EPB41L2: variants seen among roughly 807,000 people sequenced by gnomAD.
The protein encoded by EPB41L2 is band 4.1-like protein 2.
Under a neutral mutation model 113.0 loss-of-function variants are expected in EPB41L2, and 43 were observed. The ratio of observed to expected loss-of-function variants is 0.38; its 90% CI spans 0.30 to 0.49. The LOEUF is 0.49. EPB41L2 is among the 20% of genes least tolerant of loss of function. The pLI, the probability that EPB41L2 is intolerant of heterozygous loss-of-function variation, is 0.95. For synonymous variants in EPB41L2, 442 were observed against 436.7 expected (o/e 1.01, Z -0.15); for missense variants, 1,147 against 1,223.4 (o/e 0.94, Z 0.93).
chr6:130,861,077 A>AT (rs1781864469), intron 18 of EPB41L2, among the ~76,000 whole-genome samples: 1 of 151,510 alleles, frequency 6.6e-6, no homozygotes, highest in African/African-American at 2.4e-5. Context: ...TTTATTTTTA[A>AT]TTTTTTTAAT....
intron 1 of EPB41L2, among the ~76,000 whole-genome samples, chr6:130,974,673 CA>C (rs1220201308): frequency 2.0e-5 from 3 of 150,152 alleles, no homozygotes; most frequent in Non-Finnish European, 4.4e-5. Context: ...CCCTCAAAGC[CA>C]ATAGACTTTT....
intron 14 of EPB41L2, among the ~76,000 whole-genome samples, chr6:130,875,960 G>C (rs546490923): frequency 6.6e-6 from 1 of 151,022 alleles, no homozygotes; most frequent in African/African-American, 2.4e-5. Context: ...ACTCCAGCCC[G>C]GGCGAATGTG....
intron 1 of EPB41L2, among the ~76,000 whole-genome samples, chr6:131,009,773 T>C (rs79132972): frequency 0.047 from 7,021 of 149,372 alleles, 259 homozygotes; most frequent in African/African-American, 0.11. Flanking sequence ...TACAGGAAAA[T>C]TTACTTTCAG....
intron 1 of EPB41L2, among the ~76,000 whole-genome samples, chr6:131,012,113 G>A (rs1024117178): frequency 1.7e-4 from 26 of 152,154 alleles, no homozygotes; most frequent in African/African-American, 6.3e-4. Flanking sequence ...GCTGAGGCAT[G>A]AGAATCACTT....
intron 1 of EPB41L2, among the ~76,000 whole-genome samples, chr6:131,017,409 A>G (rs959409886): frequency 1.4e-4 from 22 of 152,198 alleles, no homozygotes; most frequent in African/African-American, 5.3e-4. Context: ...TCAATGGATG[A>G]TAACAGTACT....
rs1795744238 is a variant in EPB41L2 at position 130,899,650 on chromosome 6, T to C, written c.1149-72A>G. The C allele has an allele frequency of 1.4e-5, 20 of 1,417,460 alleles. No individual in the cohort carries two copies. The South Asian group carries it at 2.1e-4, about 15-fold the overall frequency. 87.8% of individuals were successfully genotyped at this position (1,417,460 alleles called of 1,614,324 possible). A position where few individuals can be genotyped will look rare whatever the true frequency, so the allele number is the denominator to read the frequency against. Reference sequence around the variant, plus strand: ...AAATGTAGTCAGAATGGGAGGAGTGTCTGTGCTCAGAGGGTTTGGAGGAGA... The same window carrying C: ...AAATGTAGTCAGAATGGGAGGAGTGCCTGTGCTCAGAGGGTTTGGAGGAGA... On this transcript the variant is annotated intron_variant, in intron 7 of 19. Coordinates refer to ENST00000337057, the MANE Select transcript of EPB41L2 (RefSeq NM_001431.4).
intron 1 of EPB41L2, among the ~76,000 whole-genome samples, chr6:131,023,595 G>C (rs964639484): frequency 6.6e-6 from 1 of 152,052 alleles, no homozygotes; most frequent in African/African-American, 2.4e-5. Flanking sequence ...TGAGGCAGGA[G>C]AATCGCTTGA....
intron 1 of EPB41L2, among the ~76,000 whole-genome samples, chr6:130,966,289 C>T (rs752594012): frequency 1.3e-5 from 2 of 152,182 alleles, no homozygotes; most frequent in Non-Finnish European, 2.9e-5. Context: ...CAACAAAATA[C>T]TATGCAACTG....
chr6:130,937,833 A>AAAAAAAAAAAAAAAAAAAG (rs552248781), intron 3 of EPB41L2, among the ~76,000 whole-genome samples: 1 of 150,380 alleles, frequency 6.6e-6, no homozygotes, highest in African/African-American at 2.5e-5. Flanking sequence ...AAAAAAAAAA[A>AAAAAAAAAAAAAAAAAAAG]AAGATTAACA....
At chr6:131,008,465 C>A (rs956778072) in intron 1 of EPB41L2, among the ~76,000 whole-genome samples, 4 of 152,218 alleles carry the variant, frequency 2.6e-5, no homozygotes, top group Non-Finnish European at 5.9e-5. Flanking sequence ...TAGGGCAGTG[C>A]GGAAGGGAAA....
intron 1 of EPB41L2, among the ~76,000 whole-genome samples, chr6:131,059,307 G>T (rs1195968274): frequency 6.6e-6 from 1 of 151,910 alleles, no homozygotes; most frequent in Admixed American, 6.5e-5. Flanking sequence ...GTAGAGACGG[G>T]GTTTCACCGT....
At chr6:130,992,974 A>G (rs1454304401) in intron 1 of EPB41L2, among the ~76,000 whole-genome samples, 1 of 152,194 alleles carries the variant, frequency 6.6e-6, no homozygotes, top group African/African-American at 2.4e-5. Context: ...TCAGCAGCTC[A>G]GTCTTCTTAC....
chr6:131,049,901 G>C (rs537534828), intron 1 of EPB41L2, among the ~76,000 whole-genome samples: 2 of 152,308 alleles, frequency 1.3e-5, no homozygotes, highest in East Asian at 3.9e-4. Flanking sequence ...ACTGGCAAAA[G>C]TGCACAGTAT....
intron 19 of EPB41L2, among the ~76,000 whole-genome samples, chr6:130,852,936 G>A (rs577621765): frequency 2.0e-5 from 3 of 152,258 alleles, no homozygotes; most frequent in African/African-American, 2.4e-5. Flanking sequence ...TACCCAGCAC[G>A]AAGCTTAAGT....
chr6:131,003,979 C>A (rs1784910862), intron 1 of EPB41L2, among the ~76,000 whole-genome samples: 2 of 151,962 alleles, frequency 1.3e-5, no homozygotes, highest in South Asian at 4.1e-4. Flanking sequence ...CTTAGGAAGC[C>A]CTGTACTTAC....
At chr6:131,048,775 A>T (rs1795978757) in intron 1 of EPB41L2, among the ~76,000 whole-genome samples, 1 of 152,234 alleles carries the variant, frequency 6.6e-6, no homozygotes, top group Admixed American at 6.5e-5. Context: ...TAAAAAGTTT[A>T]AAAAAGAAGA....
Position 130,923,761 on chromosome 6 carries a change from C to T in EPB41L2, c.810+2844G>A, listed in dbSNP as rs917049431. Among the ~76,000 whole-genome samples, 11 of 152,312 alleles carry T rather than the reference C, an allele frequency of 7.2e-5. 1 individual carries two copies. The highest frequency in any genetic ancestry group is 6.5e-4 in the Admixed American group (10 of 15,298). On this transcript the variant is annotated intron_variant, in intron 4 of 19. Coordinates refer to ENST00000337057, the MANE Select transcript of EPB41L2 (RefSeq NM_001431.4). ...TCTGAGGGCAGAGTCACGTCCTCAC[C>T]GTTTACGGTTAGAGCCTCAGCAGCG...
intron 1 of EPB41L2, chr6:130,970,280 TA>T (rs1415471966): frequency 3.3e-5 from 5 of 152,158 alleles, no homozygotes; most frequent in Non-Finnish European, 5.9e-5. Flanking sequence ...TTGAAATACA[TA>T]CGCAGCTTTT....
At chr6:130,991,614 CTTTTT>C (rs1562679298) in intron 1 of EPB41L2, among the ~76,000 whole-genome samples, 1 of 152,110 alleles carries the variant, frequency 6.6e-6, no homozygotes, top group African/African-American at 2.4e-5. Flanking sequence ...GTATCTACTT[CTTTTT>C]TTATTTTTTT....
Sources: allele counts gnomAD v4.1 joint callset (sites outside exome capture counted in the v4.1 genomes callset), GRCh38; gene constraint gnomAD v4.1.1; transcripts MANE v1.5; gene names NCBI Gene and HGNC (gene_info 2026-07-23, HGNC 2026-07-21).